PTPRN2: variants seen among roughly 807,000 people sequenced by gnomAD.
PTPRN2 encodes protein tyrosine phosphatase receptor type N2.
A neutral mutation model predicts 118.8 loss-of-function variants in PTPRN2; 74 were observed. That is an observed-to-expected ratio of 0.62 (90% CI 0.52 to 0.76). The LOEUF (loss-of-function observed/expected upper bound fraction) is 0.76. Ranked by LOEUF, PTPRN2 falls within the 30% of genes least tolerant of loss-of-function variation. The pLI is 0.00. For synonymous variants in PTPRN2, 641 were observed against 608.0 expected (o/e 1.05, Z -0.80); for missense variants, 1,481 against 1,394.4 (o/e 1.06, Z -0.99).
intron 2 of PTPRN2, among the ~76,000 whole-genome samples, chr7:158,358,916 T>C (rs181280694): frequency 6.6e-6 from 1 of 152,328 alleles, no homozygotes; most frequent in Admixed American, 6.5e-5. Context: ...TATCCCTAAA[T>C]GGTTAAAATG....
intron 1 of PTPRN2, among the ~76,000 whole-genome samples, chr7:158,554,556 T>C (rs886740509): frequency 6.6e-6 from 1 of 152,238 alleles, no homozygotes; most frequent in Non-Finnish European, 1.5e-5. Context: ...CCTTGAATAC[T>C]GGGTTTTAAA....
At chr7:157,738,689 T>C (rs1800450624) in intron 12 of PTPRN2, among the ~76,000 whole-genome samples, 1 of 152,236 alleles carries the variant, frequency 6.6e-6, no homozygotes, top group Admixed American at 6.5e-5. Flanking sequence ...CAGAGCTCTG[T>C]GCTGTTGTTT....
chr7:157,626,094 G>A (rs959865290), intron 14 of PTPRN2, among the ~76,000 whole-genome samples: 7 of 152,110 alleles, frequency 4.6e-5, no homozygotes, highest in African/African-American at 1.4e-4. Context: ...TAAGCAATTG[G>A]TCCACAGCCC....
At position 157,852,455 on chromosome 7, in the gene PTPRN2, C is replaced by T. The variant is rs192693280; in HGVS notation, c.1788+46218G>A. Among the ~76,000 whole-genome samples, 222 of 152,312 alleles carry T rather than the reference C, an allele frequency of 1.5e-3. 1 individual carries two copies. Among genetic ancestry groups the T allele is most frequent in the African/African-American group, 4.8e-3 (198 of 41,560 alleles). ...GCCAAGTCTCCTACCCTCTAACAGACGACCATTTTTAAATTGAAAGTTTAA... is the reference window on the plus strand; with the variant it reads ...GCCAAGTCTCCTACCCTCTAACAGATGACCATTTTTAAATTGAAAGTTTAA... On this transcript the variant is annotated intron_variant, in intron 12 of 22. Coordinates refer to ENST00000389418, the MANE Select transcript of PTPRN2 (RefSeq NM_002847.5).
At chr7:157,703,783 G>A (rs557027263) in intron 12 of PTPRN2, among the ~76,000 whole-genome samples, 3 of 152,302 alleles carry the variant, frequency 2.0e-5, no homozygotes, top group East Asian at 3.9e-4. Context: ...TTGGGATTCC[G>A]AGACTGGCAG....
chr7:157,871,663 G>A (rs937695533), intron 12 of PTPRN2, among the ~76,000 whole-genome samples: 1 of 151,754 alleles, frequency 6.6e-6, no homozygotes, highest in African/African-American at 2.4e-5. Flanking sequence ...TTTTTGGAGG[G>A]ATTTTTTCCT....
chr7:158,119,807 C>T (rs1198937060), intron 9 of PTPRN2, among the ~76,000 whole-genome samples: 1 of 152,010 alleles, frequency 6.6e-6, no homozygotes, highest in African/African-American at 2.4e-5. Context: ...TTCAAGCATC[C>T]ACTGGGGTTC....
chr7:158,473,979 C>CA lies in PTPRN2; in HGVS notation c.163+15755dup, dbSNP rs948148997. Reference sequence around the variant, plus strand: ...CCATGACAACCCTTCATGGTAAAAGCAAAAAAAAAATCCCTTTCTCCTACG... The same window carrying CA: ...CCATGACAACCCTTCATGGTAAAAGCAAAAAAAAAAATCCCTTTCTCCTACG... On this transcript the variant is annotated intron_variant, in intron 2 of 22. Coordinates refer to ENST00000389418, the MANE Select transcript of PTPRN2 (RefSeq NM_002847.5). 9.9e-4 allele frequency among the ~76,000 whole-genome samples: 146 copies of CA among 148,038 alleles called. 1 individual carries two copies. The East Asian group carries it at 0.011, about 11-fold the overall frequency.
intron 2 of PTPRN2, among the ~76,000 whole-genome samples, chr7:158,340,428 CTCTCACCGTAAGAGCTGACACCCGCAG>C: frequency 1.8e-5 from 1 of 57,034 alleles, no homozygotes; most frequent in Admixed American, 1.9e-4. Flanking sequence ...CACACACACA[CTCTCACCGTAAGAGCTGACACCCGCAG>C]ACGTCACTCA....
chr7:158,109,758 C>T (rs1197856089), intron 10 of PTPRN2, among the ~76,000 whole-genome samples: 1 of 151,894 alleles, frequency 6.6e-6, no homozygotes, highest in Non-Finnish European at 1.5e-5. Context: ...TGATATCACC[C>T]CTGTGTGAAG....
chr7:157,737,553 G>A (rs142931323), intron 12 of PTPRN2, among the ~76,000 whole-genome samples: 5 of 152,248 alleles, frequency 3.3e-5, no homozygotes, highest in Admixed American at 2.0e-4. Flanking sequence ...AGGCGAGGAC[G>A]CAGCAGCAAG....
intron 11 of PTPRN2, among the ~76,000 whole-genome samples, chr7:158,062,357 G>C (rs1166430179): frequency 1.3e-5 from 2 of 152,256 alleles, no homozygotes; most frequent in African/African-American, 4.8e-5. Context: ...TGTGTGTGGG[G>C]CTCTGCAGTT....
intron 12 of PTPRN2, among the ~76,000 whole-genome samples, chr7:157,883,678 C>T (rs1236524060): frequency 6.6e-6 from 1 of 150,736 alleles, no homozygotes; most frequent in African/African-American, 2.4e-5. Context: ...CACAACACCC[C>T]AAAAATGACT....
intron 16 of PTPRN2, among the ~76,000 whole-genome samples, chr7:157,595,651 GCCCGGAA>G (rs1801288521): frequency 6.8e-6 from 1 of 146,318 alleles, no homozygotes; most frequent in Non-Finnish European, 1.5e-5. Flanking sequence ...TGGTTAGGAA[GCCCGGAA>G]GTTAGGGAGC....
intron 7 of PTPRN2, among the ~76,000 whole-genome samples, chr7:158,137,211 G>A (rs1818904480): frequency 6.6e-6 from 1 of 152,120 alleles, no homozygotes; most frequent in African/African-American, 2.4e-5. Context: ...GAGGTCAGGA[G>A]TTGGAGATCA....
At chr7:157,746,963 T>A (rs1226882277) in intron 12 of PTPRN2, among the ~76,000 whole-genome samples, 1 of 150,790 alleles carries the variant, frequency 6.6e-6, no homozygotes, top group African/African-American at 2.5e-5. Context: ...GAGGCCTGCG[T>A]CTCTCAGCTG....
chr7:157,820,084 GCA>G (rs891251113), intron 12 of PTPRN2, among the ~76,000 whole-genome samples: 3 of 147,454 alleles, frequency 2.0e-5, no homozygotes, highest in East Asian at 2.0e-4. Context: ...CAATGTATAT[GCA>G]CACACACAAC....
At chr7:157,928,215 C>T (rs541304354) in intron 11 of PTPRN2, among the ~76,000 whole-genome samples, 21 of 152,194 alleles carry the variant, frequency 1.4e-4, no homozygotes, top group Non-Finnish European at 2.5e-4. Context: ...TAGGCAGATA[C>T]AGGACCCGAC....
At chr7:157,720,996 C>T (rs903279267) in intron 12 of PTPRN2, among the ~76,000 whole-genome samples, 1 of 151,952 alleles carries the variant, frequency 6.6e-6, no homozygotes, top group African/African-American at 2.4e-5. Flanking sequence ...TGTGGGGGCT[C>T]GGGGAGGTGT....
Sources: allele counts gnomAD v4.1 joint callset (sites outside exome capture counted in the v4.1 genomes callset), GRCh38; gene constraint gnomAD v4.1.1; transcripts MANE v1.5; gene names NCBI Gene and HGNC (gene_info 2026-07-23, HGNC 2026-07-21).